TXNIP: variants seen among roughly 807,000 people sequenced by gnomAD.
The protein encoded by TXNIP is thioredoxin-interacting protein.
In TXNIP, 23 loss-of-function variants were observed where a neutral mutation model predicts 43.9. The ratio of observed to expected loss-of-function variants is 0.52; its 90% CI spans 0.38 to 0.74. The LOEUF is 0.74. Among genes scored for constraint, TXNIP ranks in the 30% least tolerant of loss-of-function variants. The pLI, the probability that TXNIP is intolerant of heterozygous loss-of-function variation, is 0.00. For synonymous variants in TXNIP, 234 were observed against 172.2 expected, an observed-to-expected ratio of 1.36 and a Z score of -2.81; for missense variants, 555 against 485.4, an observed-to-expected ratio of 1.14 and a Z score of -1.35.
At chr1:145,995,620 T>G (rs782582647) in intron 1 of TXNIP, 144 bp from the exon 2 acceptor site, 32 of 778,298 alleles carry the variant, frequency 4.1e-5, no homozygotes, top group Non-Finnish European at 6.0e-5. Context: ...ATCCATCCCA[T>G]ATTGTTCTTA....
chr1:145,995,935 A>C, intron 1 of TXNIP, 82 bp downstream of exon 1: 1 of 1,536,134 alleles, frequency 6.5e-7, no homozygotes, highest in Non-Finnish European at 8.8e-7. Flanking sequence ...TGAGCAACTT[A>C]AAACATTTCG....
intron 6 of TXNIP, 23 bp from the exon 7 acceptor site, chr1:145,994,190 A>G (rs374938819): frequency 3.5e-5 from 56 of 1,613,552 alleles, no homozygotes; most frequent in South Asian, 2.7e-4. Context: ...ATATGGCCAC[A>G]TAAGAATCCT....
In TXNIP at chr1:145,994,108, G is replaced by C. The variant is rs781925117; in HGVS notation, c.1048C>G (p.Pro350Ala). ...GAGCCATCCATGTCATCTAGCAGAG[G>C]AGTGGTTGGGCTCTCCAATCGGTGA... ...EDHRLESPTT[P>A]LLDDMDGSQD... is the part of the protein sequence containing the mutation. Residue 350 changes from proline (P) to alanine (A), a missense_variant, in exon 7 of 8, where the codon CCT (proline) becomes GCT (alanine). Pro to Ala is a conservative substitution (Grantham distance 27, BLOSUM62 -1). Transcript: ENST00000582401. The C allele has an allele frequency of 6.2e-7, 1 of 1,614,174 alleles. No individual in the cohort carries two copies. Among genetic ancestry groups the C allele is most frequent in the South Asian group, 1.1e-5 (1 of 91,084 alleles).
Position 145,996,540 on chromosome 1 carries a change from C to G in TXNIP, c.-274G>C, listed in dbSNP as rs1651548177. 2.9e-6 allele frequency: 1 copy of G among 345,258 alleles called. No homozygotes were observed. The highest frequency in any genetic ancestry group is 4.7e-5 in the Admixed American group (1 of 21,090). 21.4% of individuals were successfully genotyped at this position (345,258 alleles called of 1,614,324 possible). A position where few individuals can be genotyped will look rare whatever the true frequency, so the allele number is the denominator to read the frequency against. On this transcript the variant is annotated 5_prime_UTR_variant, in exon 1 of 8. Coordinates refer to ENST00000582401, the MANE Select transcript of TXNIP (RefSeq NM_006472.6). The stretch of plus-strand genomic sequence containing the variant: ...CCAATTGCTGGAGAAAAGATCCGAT[C>G]TCCACAAGCACTCCTTTGGAGAAAA...
Position 145,994,269 on chromosome 1 carries a change from G to C in TXNIP, c.988+12C>G, listed in dbSNP as rs1231644931. The C allele has an allele frequency of 3.1e-6, 5 of 1,613,594 alleles. No individual in the cohort carries two copies. In the African/African-American group the frequency reaches 6.7e-5, roughly 22 times the overall value. ...GACCAGAAACAAAGAAAAGACATTA[G>C]GTCTGGCTCACCTTCTGGGGTATCA... On this transcript the variant is annotated intron_variant, in intron 6 of 7. Coordinates refer to ENST00000582401, the MANE Select transcript of TXNIP (RefSeq NM_006472.6).
Position 145,995,223 on chromosome 1 carries a change from C to T in TXNIP, c.392G>A (p.Arg131His), listed in dbSNP as rs369510121. Residue 131 changes from arginine (R) to histidine (H), a missense_variant, in exon 3 of 8, where the codon CGC becomes CAC. Arg to His is a conservative substitution (Grantham distance 29, BLOSUM62 0). Transcript: ENST00000582401. The stretch of plus-strand genomic sequence containing the variant: ...TGTCTCTTGAGTTGGCTGGCTCGGG[C>T]GGTCAAGAAAAGCCTTCACCCAGTA... ...VDYWVKAFLD[R>H]PSQPTQETKK... The T allele has an allele frequency of 2.0e-5, 32 of 1,613,882 alleles. No homozygotes were observed. The African/African-American group carries it at 3.2e-4, about 16-fold the overall frequency.
intron 1 of TXNIP, 38 bp downstream of exon 1, chr1:145,995,979 T>C: frequency 6.2e-7 from 1 of 1,605,450 alleles, no homozygotes; most frequent in Non-Finnish European, 8.5e-7. Context: ...TCTTCTCTAA[T>C]CAGCTTTCAC....
intron 1 of TXNIP, 135 bp downstream of exon 1, chr1:145,995,882 C>T: frequency 8.9e-7 from 1 of 1,127,974 alleles, no homozygotes; most frequent in Non-Finnish European, 1.2e-6. Flanking sequence ...CAAATTAAAA[C>T]AGAAAAAAGG....
rs1553766206 is a variant in TXNIP at position 145,994,986 on chromosome 1, T to G, written c.517A>C (p.Ile173Leu). 1.9e-6 allele frequency: 3 copies of G among 1,614,088 alleles called. No homozygotes were observed. The highest frequency in any genetic ancestry group is 2.2e-5 in the East Asian group (1 of 44,900). The change falls in exon 4 of 8, where the codon ATT becomes CTT. Residue 173 changes from isoleucine to leucine, a missense_variant. Physicochemically the swap from Ile to Leu is conservative, Grantham distance 5 (BLOSUM62 2). Transcript: ENST00000582401. ...GAGACAGACACCCGCCCATCAGGAA[T>G]GAACATGCAGGAAACTTTCTTTTCT... ...KKEKKVSCMF[I>L]PDGRVSVSAR...
chr1:145,996,444 T>C lies in TXNIP; in HGVS notation c.-178A>G, dbSNP rs1651539863. On this transcript the variant is annotated 5_prime_UTR_variant, in exon 1 of 8. Transcript: ENST00000582401. The stretch of plus-strand genomic sequence containing the variant: ...CAAATGAATATTAACTACTAGGTTT[T>C]CGAAAAGGCGCCTAAAAAATATACG... The C allele has an allele frequency of 2.8e-6, 2 of 710,952 alleles. No individual in the cohort carries two copies. The highest frequency in any genetic ancestry group is 1.8e-5 in the African/African-American group (1 of 55,818). 44.0% of individuals were successfully genotyped at this position (710,952 alleles called of 1,614,324 possible).
At chr1:145,995,973 C>G (rs1553766495) in intron 1 of TXNIP, 44 bp downstream of exon 1, 1 of 1,603,292 alleles carries the variant, frequency 6.2e-7, no homozygotes, top group Non-Finnish European at 8.5e-7. Flanking sequence ...CAATTCTCTT[C>G]TCTAATCAGC....
intron 1 of TXNIP, chr1:145,995,715 A>G (rs1651481200): frequency 1.6e-6 from 1 of 610,014 alleles, no homozygotes; most frequent in African/African-American, 1.8e-5. Flanking sequence ...GTTCTCTACT[A>G]ACATCTCAAA....
rs7211 is a variant in TXNIP, at chr1:145,993,449, G to C, written c.*402C>G. On this transcript the variant is annotated 3_prime_UTR_variant, in exon 8 of 8. Transcript: ENST00000582401. ...AAATTGGCTCTTCTCCACATGATAC[G>C]TAAGTTCAAGGTCCAAAGTTCCTAT... The C allele has an allele frequency of 6.1e-6, 1 of 164,510 alleles. No individual in the cohort carries two copies. Among genetic ancestry groups the C allele is most frequent in the African/African-American group, 2.4e-5 (1 of 41,506 alleles). 10.2% of individuals were successfully genotyped at this position (164,510 alleles called of 1,614,324 possible). A position where few individuals can be genotyped will look rare whatever the true frequency, so the allele number is the denominator to read the frequency against.
In TXNIP at chr1:145,994,391, G is replaced by A. The variant is rs1553765999; in HGVS notation, c.878C>T (p.Pro293Leu). The A allele has an allele frequency of 3.1e-6, 5 of 1,613,960 alleles. No individual in the cohort carries two copies. The highest frequency in any genetic ancestry group is 2.7e-5 in the African/African-American group (2 of 74,878). The stretch of plus-strand genomic sequence containing the variant: ...ACCTGATCTGCTGCCAATTACCAGG[G>A]GCAGGTCAAGGATGACCTTCTTGGA... ...PGSKKVILDL[P>L]LVIGSRSGLS... The change falls in exon 6 of 8, where the codon CCC becomes CTC. Residue 293 changes from proline (P) to leucine (L), a missense_variant. Physicochemically the swap from Pro to Leu is moderately conservative, Grantham distance 98 (BLOSUM62 -3). Coordinates refer to ENST00000582401, the MANE Select transcript of TXNIP (RefSeq NM_006472.6).
In TXNIP at chr1:145,995,893, A is replaced by G. The variant is rs587626940; in HGVS notation, c.250+124T>C. On this transcript the variant is annotated intron_variant, in intron 1 of 7. Coordinates refer to ENST00000582401, the MANE Select transcript of TXNIP (RefSeq NM_006472.6). ...TCTGCAAATTAAAACAGAAAAAAGG[A>G]AGCAACAACACGTAATTCAAACCAC... The G allele has an allele frequency of 1.2e-4, 139 of 1,204,632 alleles. 1 individual carries two copies. In the African/African-American group the frequency reaches 1.9e-3, roughly 17 times the overall value. The allele number at this position is 1,204,632 out of a possible 1,614,324, so 74.6% of individuals were successfully genotyped here. A position where few individuals can be genotyped will look rare whatever the true frequency, so the allele number is the denominator to read the frequency against.
intron 3 of TXNIP, 34 bp downstream of exon 3, chr1:145,995,110 C>A: frequency 6.2e-7 from 1 of 1,613,760 alleles, no homozygotes; most frequent in Non-Finnish European, 8.5e-7. Context: ...ATCCTCATGA[C>A]CCAGGAGAAT....
chr1:145,993,760 CAG>C lies in TXNIP; in HGVS notation c.*89_*90del. ...GCTAAGGTGGACCCACACTCCATTG[CAG>C]AGACTGTTGAGTCTCTGAAAAAGTG... On this transcript the variant is annotated 3_prime_UTR_variant, in exon 8 of 8. Transcript: ENST00000582401. The C allele has an allele frequency of 8.1e-6, 12 of 1,483,854 alleles. No individual in the cohort carries two copies. In the South Asian group the frequency reaches 1.1e-4, roughly 13 times the overall value. 91.9% of individuals were successfully genotyped at this position (1,483,854 alleles called of 1,614,324 possible).
rs782565903 is a variant in TXNIP at position 145,995,965 on chromosome 1, ATTCTC to A, written c.250+47_250+51del. 6.9e-6 allele frequency: 11 copies of A among 1,597,058 alleles called. No individual in the cohort carries two copies. In the African/African-American group the frequency reaches 1.1e-4, roughly 16 times the overall value. ...ATTTCGTACAGGTTTTGTGTATTCA[ATTCTC>A]TTCTCTAATCAGCTTTCACCCTCCA... On this transcript the variant is annotated intron_variant, in intron 1 of 7. Transcript: ENST00000582401.
rs1553765731 is a variant in TXNIP, at chr1:145,993,531, T to A, written c.*320A>T. 1 of 241,226 alleles carries A rather than the reference T, an allele frequency of 4.1e-6. No homozygotes were observed. The allele number at this position is 241,226 out of a possible 1,614,324, so 14.9% of individuals were successfully genotyped here. A position where few individuals can be genotyped will look rare whatever the true frequency, so the allele number is the denominator to read the frequency against. ...GAAAAGCTTACGCCAGGAGGCCATTTTTACCTGACCCGAAACTATCGAAAA... is the reference window on the plus strand; with the variant it reads ...GAAAAGCTTACGCCAGGAGGCCATTATTACCTGACCCGAAACTATCGAAAA... On this transcript the variant is annotated 3_prime_UTR_variant, in exon 8 of 8. Transcript: ENST00000582401.
Sources: allele counts gnomAD v4.1 joint callset, GRCh38; gene constraint gnomAD v4.1.1; transcripts MANE v1.5; gene names NCBI Gene and HGNC (gene_info 2026-07-23, HGNC 2026-07-21).